Variants in ZNF816 observed in about 807,000 individuals in gnomAD.
ZNF816 encodes zinc finger protein 816A.
A neutral mutation model predicts 8.3 loss-of-function variants in ZNF816; 11 were observed. The observed-to-expected ratio is 1.32, with a 90% confidence interval of 0.83 to 2.19. The LOEUF (loss-of-function observed/expected upper bound fraction) is 2.19. ZNF816 is among the 30% of genes most tolerant of loss of function. ZNF816 has a pLI of 0.00. For synonymous variants in ZNF816, 255 were observed against 254.5 expected, an observed-to-expected ratio of 1.00 and a Z score of -0.02; for missense variants, 710 against 779.3, an observed-to-expected ratio of 0.91 and a Z score of 1.06.
intron 2 of ZNF816, among the ~76,000 whole-genome samples, chr19:52,954,369 C>A (rs1397145255): frequency 2.2e-4 from 30 of 134,146 alleles, no homozygotes; most frequent in Non-Finnish European, 3.0e-4. Flanking sequence ...TCAAAAAAAA[C>A]AAACAAACAA....
Position 52,957,648 on chromosome 19 carries a change from G to A in ZNF816, c.-15-1544C>T, listed in dbSNP as rs541081406. ...CTGAACATTCAGTAGTAACCGCCCCGGTTGCCCCCCTTTCCAAAAAGACTA... is the reference window on the plus strand; with the variant it reads ...CTGAACATTCAGTAGTAACCGCCCCAGTTGCCCCCCTTTCCAAAAAGACTA... On this transcript the variant is annotated intron_variant, in intron 1 of 3. Coordinates refer to ENST00000444460, the MANE Select transcript of ZNF816 (RefSeq NM_001202457.3). The surrounding 1 kb of genome is among the most constrained non-coding windows in gnomAD (Gnocchi z 4.6). Among the ~76,000 whole-genome samples, 4 of 152,282 alleles carry A rather than the reference G, an allele frequency of 2.6e-5. No individual in the cohort carries two copies. The highest frequency in any genetic ancestry group is 1.9e-4 in the East Asian group (1 of 5,184).
In ZNF816 at chr19:52,951,551, G is replaced by A. The variant is rs1352450542; in HGVS notation, c.224C>T (p.Ser75Leu). 1.3e-6 allele frequency: 2 copies of A among 1,573,250 alleles called. No homozygotes were observed. Reference sequence around the variant, plus strand: ...TTCTCCTGTAATACTGTGCCTGGTTGATGAGAACTCCATCATGGATTTTAA... The same window carrying A: ...TTCTCCTGTAATACTGTGCCTGGTTAATGAGAACTCCATCATGGATTTTAA... Reference protein sequence around the residue: ...SSLKSMMEFSSTRHSITGEVI... With the variant: ...SSLKSMMEFSLTRHSITGEVI... Residue 75 changes from serine (S) to leucine (L), a missense_variant, in exon 4 of 4, where the codon TCA (serine) becomes TTA (leucine). By Grantham distance (145) the Ser-to-Leu change is moderately radical. Coordinates refer to ENST00000444460, the MANE Select transcript of ZNF816 (RefSeq NM_001202457.3).
chr19:52,952,949 AC>A, intron 2 of ZNF816, 72 bp from the exon 3 acceptor site: 1 of 1,519,670 alleles, frequency 6.6e-7, no homozygotes, highest in Non-Finnish European at 8.8e-7. Flanking sequence ...AAATGAGAAA[AC>A]AGAAAATAAG....
chr19:52,958,921 T>A (rs2083533091), intron 1 of ZNF816, among the ~76,000 whole-genome samples: 1 of 152,210 alleles, frequency 6.6e-6, no homozygotes, highest in African/African-American at 2.4e-5. Context: ...AGCAAGCCTT[T>A]CATGAGTTAA....
Position 52,952,875 on chromosome 19 carries a change from T to C in ZNF816, c.66A>G (p.Gly22=). 1.3e-6 allele frequency: 2 copies of C among 1,591,452 alleles called. No individual in the cohort carries two copies. The highest frequency in any genetic ancestry group is 8.5e-7 in the Non-Finnish European group (1 of 1,173,586). ...TAGCCACATCCCTGAAAGTCAAGCG[T>C]CCCTAAAATAAAAAACACGTTTCAA... ...EKEPGMALPQ[G]RLTFRDVAIE... The change falls in exon 3 of 4, where the codon GGA becomes GGG. Residue 22 remains glycine (G), a splice_region_variant and synonymous_variant. Coordinates refer to ENST00000444460, the MANE Select transcript of ZNF816 (RefSeq NM_001202457.3).
In ZNF816 at chr19:52,949,865, A is replaced by G. The variant is rs143999329; in HGVS notation, c.1910T>C (p.Ile637Thr). 19 of 1,613,632 alleles carry G rather than the reference A, an allele frequency of 1.2e-5. No individual in the cohort carries two copies. The highest frequency in any genetic ancestry group is 1.5e-5 in the Non-Finnish European group (18 of 1,179,726). ...GKAFTGQSTLIHHQAIHGCRE... is the reference protein window; with the variant it reads ...GKAFTGQSTLTHHQAIHGCRE... ...ACACCCATGGATTGCTTGATGGTGA[A>G]TAAGTGTTGACTGTCCAGTAAAGGC... The change falls in exon 4 of 4, where the codon ATT (isoleucine) becomes ACT (threonine). Residue 637 changes from isoleucine (I) to threonine (T), a missense_variant. Ile to Thr is a moderately conservative substitution (Grantham distance 89). Coordinates refer to ENST00000444460, the MANE Select transcript of ZNF816 (RefSeq NM_001202457.3).
At chr19:52,962,241 G>A (rs1288160157) in intron 1 of ZNF816, among the ~76,000 whole-genome samples, 2 of 152,216 alleles carry the variant, frequency 1.3e-5, no homozygotes. Context: ...TAGGCACAGA[G>A]ACCCATCTCC....
At chr19:52,960,434 G>A (rs1020936852) in intron 1 of ZNF816, among the ~76,000 whole-genome samples, 1 of 152,144 alleles carries the variant, frequency 6.6e-6, no homozygotes, top group East Asian at 1.9e-4. Flanking sequence ...CTCGGATAAC[G>A]GGCTGGAGTT....
At chr19:52,955,520 T>A (rs534287734) in intron 2 of ZNF816, among the ~76,000 whole-genome samples, 1 of 152,320 alleles carries the variant, frequency 6.6e-6, no homozygotes, top group South Asian at 2.1e-4. Flanking sequence ...ACACCGTGTC[T>A]CTTAAAACAA....
Position 52,950,753 on chromosome 19 carries a change from T to C in ZNF816, c.1022A>G (p.Tyr341Cys), listed in dbSNP as rs776386542. The C allele has an allele frequency of 4.3e-6, 7 of 1,613,742 alleles. No homozygotes were observed. The Admixed American group carries it at 1.2e-4, about 27-fold the overall frequency. The change falls in exon 4 of 4, where the codon TAC becomes TGC. Residue 341 changes from tyrosine (Y) to cysteine (C), a missense_variant. Coordinates refer to ENST00000444460, the MANE Select transcript of ZNF816 (RefSeq NM_001202457.3). ...AGTCTTGCCACACTCATTACACTTG[T>C]AAGGTTTCTCTCCAGTATGAAGTCT... ...HRRLHTGEKPYKCNECGKTFG... is the reference protein window; with the variant it reads ...HRRLHTGEKPCKCNECGKTFG...
rs952187740 is a variant in ZNF816 at position 52,957,825 on chromosome 19, C to T, written c.-15-1721G>A. On this transcript the variant is annotated intron_variant, in intron 1 of 3. Coordinates refer to ENST00000444460, the MANE Select transcript of ZNF816 (RefSeq NM_001202457.3). This position sits in a 1 kb window ranked among gnomAD's most constrained non-coding sequence, Gnocchi z 4.6. Reference sequence around the variant, plus strand: ...GACTTGCTTAGCGAGCTGAGAGCCACCGTCTCTTCTACAGAGCACAGCTCT... The same window carrying T: ...GACTTGCTTAGCGAGCTGAGAGCCATCGTCTCTTCTACAGAGCACAGCTCT... 6.6e-6 allele frequency among the ~76,000 whole-genome samples: 1 copy of T among 152,196 alleles called. No individual in the cohort carries two copies. Among genetic ancestry groups the T allele is most frequent in the African/African-American group, 2.4e-5 (1 of 41,444 alleles).
intron 1 of ZNF816, among the ~76,000 whole-genome samples, chr19:52,961,955 T>C (rs760436298): frequency 1.3e-5 from 2 of 152,138 alleles, no homozygotes; most frequent in African/African-American, 4.8e-5. Flanking sequence ...TATTAGACAA[T>C]ACTATGTAGC....
chr19:52,950,894 A>G lies in ZNF816; in HGVS notation c.881T>C (p.Phe294Ser), dbSNP rs764419071. 3 of 1,614,174 alleles carry G rather than the reference A, an allele frequency of 1.9e-6. No homozygotes were observed. The highest frequency in any genetic ancestry group is 2.5e-6 in the Non-Finnish European group (3 of 1,180,026). ...GCATACAAGGGATGACATCTGAGTG[A>G]AGGTCTTCCCACACTCATTACACTT... ...TYKCNECGKTFTQMSSLVCHR... is the reference protein window; with the variant it reads ...TYKCNECGKTSTQMSSLVCHR... Residue 294 changes from phenylalanine (F) to serine (S), a missense_variant, in exon 4 of 4, where the codon TTC (phenylalanine) becomes TCC (serine). Coordinates refer to ENST00000444460, the MANE Select transcript of ZNF816 (RefSeq NM_001202457.3).
At chr19:52,960,619 T>A (rs1185521506) in intron 1 of ZNF816, among the ~76,000 whole-genome samples, 3 of 152,190 alleles carry the variant, frequency 2.0e-5, no homozygotes, top group Non-Finnish European at 4.4e-5. Context: ...AAATGAGAGA[T>A]GCCCCATTAG....
At chr19:52,952,255 G>T (rs983451776) in intron 3 of ZNF816, among the ~76,000 whole-genome samples, 2 of 151,978 alleles carry the variant, frequency 1.3e-5, no homozygotes, top group Non-Finnish European at 2.9e-5. Flanking sequence ...TGTAATTCCA[G>T]TTAGGTTGAG....
chr19:52,954,730 G>C (rs1480022869), intron 2 of ZNF816, among the ~76,000 whole-genome samples: 1 of 144,126 alleles, frequency 6.9e-6, no homozygotes, highest in Non-Finnish European at 1.5e-5. Context: ...TGGCTGAAGC[G>C]TAAGACTCAT....
chr19:52,951,555 A>G lies in ZNF816; in HGVS notation c.220T>C (p.Ser74Pro), dbSNP rs1467226080. 6.4e-7 allele frequency: 1 copy of G among 1,566,146 alleles called. No individual in the cohort carries two copies. Among genetic ancestry groups the G allele is most frequent in the African/African-American group, 1.4e-5 (1 of 72,786 alleles). Residue 74 changes from serine (S) to proline (P), a missense_variant, in exon 4 of 4, where the codon TCA (serine) becomes CCA (proline). Coordinates refer to ENST00000444460, the MANE Select transcript of ZNF816 (RefSeq NM_001202457.3). ...DSSLKSMMEFSSTRHSITGEV... is the reference protein window; with the variant it reads ...DSSLKSMMEFPSTRHSITGEV... Reference sequence around the variant, plus strand: ...CCTGTAATACTGTGCCTGGTTGATGAGAACTCCATCATGGATTTTAAAGAG... The same window carrying G: ...CCTGTAATACTGTGCCTGGTTGATGGGAACTCCATCATGGATTTTAAAGAG...
intron 1 of ZNF816, 46 bp from the exon 2 acceptor site, chr19:52,956,150 C>T: frequency 2.5e-6 from 4 of 1,575,500 alleles, no homozygotes; most frequent in Non-Finnish European, 2.6e-6. Flanking sequence ...AAACCATTGA[C>T]TCCTTTCCTG....
At position 52,949,809 on chromosome 19, in the gene ZNF816, G is replaced by C; in HGVS notation, c.*10C>G. 6.2e-7 allele frequency: 1 copy of C among 1,613,312 alleles called. No homozygotes were observed. Among genetic ancestry groups the C allele is most frequent in the Non-Finnish European group, 8.5e-7 (1 of 1,179,608 alleles). The stretch of plus-strand genomic sequence containing the variant: ...TGGTTGTAGCATTACTGAAGACTTT[G>C]TGACAATCATTACATTTGTAAAGTT... On this transcript the variant is annotated 3_prime_UTR_variant, in exon 4 of 4. Transcript: ENST00000444460.
Sources: allele counts gnomAD v4.1 joint callset (sites outside exome capture counted in the v4.1 genomes callset), GRCh38; gene constraint gnomAD v4.1.1; non-coding constraint Gnocchi (gnomAD v3.1); transcripts MANE v1.5; gene names NCBI Gene and HGNC (gene_info 2026-07-23, HGNC 2026-07-21).